ABCB5: variants seen among roughly 807,000 people sequenced by gnomAD.
ABCB5 encodes the protein ATP binding cassette subfamily B member 5, also known as ATP-binding cassette sub-family B member 5.
Under a neutral mutation model 144.2 loss-of-function variants are expected in ABCB5, and 155 were observed. The observed-to-expected ratio is 1.08, with a 90% CI of 0.94 to 1.23. ABCB5 has a LOEUF of 1.23. ABCB5 is among the 50% of genes most tolerant of loss of function. The pLI is 0.00. For missense variants in ABCB5, 1,830 were observed against 1,520.8 expected, an observed-to-expected ratio of 1.20 and a Z score of -3.38; for synonymous variants, 610 against 528.6, an observed-to-expected ratio of 1.15 and a Z score of -2.11.
intron 4 of ABCB5, 38 bp from the exon 5 acceptor site, chr7:20,632,021 A>C: frequency 6.6e-6 from 9 of 1,363,790 alleles, no homozygotes; most frequent in Non-Finnish European, 9.0e-6. Flanking sequence ...CCAATTATAA[A>C]TTAATTTCCT....
Position 20,663,634 on chromosome 7 carries a change from G to T in ABCB5, c.1707+4958G>T, listed in dbSNP as rs1488805491. 3.3e-5 allele frequency among the ~76,000 whole-genome samples: 5 copies of T among 151,646 alleles called. No individual in the cohort carries two copies. In the East Asian group the frequency reaches 9.6e-4, roughly 29 times the overall value. On this transcript the variant is annotated intron_variant, in intron 14 of 27. Coordinates refer to ENST00000404938, the MANE Select transcript of ABCB5 (RefSeq NM_001163941.2). The stretch of plus-strand genomic sequence containing the variant: ...TAATGGGTATACAATTTGAATATGA[G>T]ATGATGAGAAAGTTCTGGAGATGGG...
Position 20,745,433 on chromosome 7 carries a change from C to A in ABCB5, c.3424C>A (p.Pro1142Thr), listed in dbSNP as rs1255305308. The A allele has an allele frequency of 2.5e-6, 4 of 1,613,944 alleles. No homozygotes were observed. The South Asian group carries it at 4.4e-5, about 18-fold the overall frequency. Reference protein sequence around the residue: ...ANIHSFIEGLPEKYNTQVGLK... With the variant: ...ANIHSFIEGLTEKYNTQVGLK... ...TATCCATTCTTTTATTGAAGGTCTC[C>A]CTGAGGTAAGAAAATTTCTGAAATC... Residue 1142 changes from proline to threonine, a missense_variant, in exon 26 of 28, where the codon CCT becomes ACT. Transcript: ENST00000404938.
chr7:20,616,735 C>G (rs181213672), intron 1 of ABCB5, among the ~76,000 whole-genome samples: 1 of 152,176 alleles, frequency 6.6e-6, no homozygotes, highest in Non-Finnish European at 1.5e-5. Flanking sequence ...ATATCTCAAA[C>G]TTGACAAGTT....
chr7:20,659,325 G>A, intron 14 of ABCB5: 1 of 1,397,304 alleles, frequency 7.2e-7, no homozygotes, highest in Non-Finnish European at 9.3e-7. Flanking sequence ...TTATAAACCA[G>A]AGCCTTCAGA....
chr7:20,628,666 T>C (rs568290750), intron 3 of ABCB5, 22 bp from the exon 4 acceptor site: 3 of 1,605,964 alleles, frequency 1.9e-6, no homozygotes, highest in African/African-American at 1.3e-5. Flanking sequence ...GTTGTGGTGC[T>C]ACCGTGCTTT....
intron 26 of ABCB5, among the ~76,000 whole-genome samples, chr7:20,750,070 G>A (rs979853819): frequency 3.3e-5 from 5 of 152,090 alleles, no homozygotes; most frequent in African/African-American, 1.2e-4. Context: ...TTTTAAATAG[G>A]GAACATGTTG....
chr7:20,660,510 G>A, intron 14 of ABCB5: 1 of 729,346 alleles, frequency 1.4e-6, no homozygotes, highest in Non-Finnish European at 1.7e-6. Flanking sequence ...TTGGAAAATG[G>A]CTTATGGAGA....
At chr7:20,715,514 G>A (rs1781643274) in intron 20 of ABCB5, among the ~76,000 whole-genome samples, 2 of 151,956 alleles carry the variant, frequency 1.3e-5, no homozygotes, top group Non-Finnish European at 2.9e-5. Context: ...GGGCTGAAGG[G>A]ATGCTCCCAC....
intron 26 of ABCB5, among the ~76,000 whole-genome samples, chr7:20,751,148 C>A (rs1384798998): frequency 2.0e-5 from 3 of 152,176 alleles, no homozygotes; most frequent in African/African-American, 7.2e-5. Context: ...GGAGCCATTA[C>A]CCCTTGAGTT....
chr7:20,731,367 A>AT (rs201572539), intron 23 of ABCB5, among the ~76,000 whole-genome samples: 33,745 of 106,828 alleles, frequency 0.32, 4,226 homozygotes, highest in East Asian at 0.46. Flanking sequence ...AAAAAAAAAA[A>AT]AAATATATAT....
intron 5 of ABCB5, among the ~76,000 whole-genome samples, 182 bp downstream of exon 5, chr7:20,632,295 C>T (rs1402667121): frequency 6.6e-6 from 1 of 152,050 alleles, no homozygotes; most frequent in Non-Finnish European, 1.5e-5. Flanking sequence ...TTTTCTTCTA[C>T]TTGAAAGGTG....
chr7:20,616,623 T>C (rs1562523114), intron 1 of ABCB5, among the ~76,000 whole-genome samples: 1 of 152,240 alleles, frequency 6.6e-6, no homozygotes, highest in African/African-American at 2.4e-5. Context: ...TAAGTAAGAA[T>C]TGGCTGACTG....
At chr7:20,629,594 T>A (rs1336056000) in intron 4 of ABCB5, among the ~76,000 whole-genome samples, 1 of 152,066 alleles carries the variant, frequency 6.6e-6, no homozygotes, top group Non-Finnish European at 1.5e-5. Flanking sequence ...AAACCCCGTC[T>A]CTATTAAAAT....
chr7:20,733,494 G>A (rs887992712), intron 23 of ABCB5, among the ~76,000 whole-genome samples: 17 of 151,920 alleles, frequency 1.1e-4, no homozygotes, highest in Admixed American at 3.3e-4. Context: ...TTAACTATCA[G>A]AACATATGAA....
chr7:20,665,197 T>A (rs979292571), intron 14 of ABCB5, among the ~76,000 whole-genome samples: 1 of 152,218 alleles, frequency 6.6e-6, no homozygotes. Context: ...CAAGCATTCA[T>A]GCATTCACAT....
intron 19 of ABCB5, among the ~76,000 whole-genome samples, chr7:20,704,105 T>TA (rs1786733723): frequency 7.6e-6 from 1 of 131,688 alleles, no homozygotes; most frequent in Non-Finnish European, 1.6e-5. Flanking sequence ...AGACAGGGTC[T>TA]CACTCTGGCA....
At chr7:20,667,224 T>A (rs1785229028) in intron 14 of ABCB5, 5 of 940,330 alleles carry the variant, frequency 5.3e-6, no homozygotes, top group Admixed American at 6.2e-5. Flanking sequence ...TCTACCTTAA[T>A]CAAATATTTA....
intron 22 of ABCB5, 43 bp downstream of exon 22, chr7:20,727,183 C>G: frequency 6.8e-7 from 1 of 1,464,456 alleles, no homozygotes; most frequent in Non-Finnish European, 9.5e-7. Flanking sequence ...TAATTTTGTT[C>G]TGTAAAGGCA....
intron 17 of ABCB5, among the ~76,000 whole-genome samples, chr7:20,699,342 C>CA (rs1786528024): frequency 1.3e-5 from 2 of 152,148 alleles, no homozygotes; most frequent in Non-Finnish European, 2.9e-5. Flanking sequence ...ATAATGTATG[C>CA]AGATGATAGC....
Sources: gnomAD v4.1 joint callset for allele counts (sites outside exome capture counted in the v4.1 genomes callset) on GRCh38, gnomAD v4.1.1 for gene constraint, MANE v1.5 for transcripts, NCBI Gene and HGNC (gene_info 2026-07-23, HGNC 2026-07-21) for gene names.